The following BBX variants were observed in gnomAD, a reference collection of about 807,000 sequenced individuals.
The protein encoded by BBX is BBX high mobility group box domain containing.
A neutral mutation model predicts 100.2 loss-of-function variants in BBX; 30 were observed. The ratio of observed to expected loss-of-function variants is 0.30; its 90% CI spans 0.22 to 0.41. The LOEUF (loss-of-function observed/expected upper bound fraction) is 0.41, where lower values mean the gene tolerates loss of function less well. BBX is among the 10% of genes least tolerant of loss of function. The pLI is 1.00. For missense variants in BBX, 1,023 were observed against 1,129.8 expected (o/e 0.91, Z 1.35); for synonymous variants, 376 against 388.1 (o/e 0.97, Z 0.37).
intron 2 of BBX, among the ~76,000 whole-genome samples, chr3:107,603,228 T>C (rs2054187479): frequency 6.6e-6 from 1 of 152,018 alleles, no homozygotes; most frequent in Non-Finnish European, 1.5e-5. Flanking sequence ...CCTCCCAAAG[T>C]GCTGGGATTA....
chr3:107,711,348 A>G lies in BBX; in HGVS notation c.162+726A>G, dbSNP rs575614911. On this transcript the variant is annotated intron_variant, in intron 4 of 17. Coordinates refer to ENST00000325805, the MANE Select transcript of BBX (RefSeq NM_001142568.3). ...CTTTCCTCTTGCCTCAGAAATGAGA[A>G]TGGTGCCTGGCACATAGTAGGTATT... The G allele has an allele frequency of 6.4e-5, 30 of 471,102 alleles. 1 individual carries two copies. Among genetic ancestry groups the G allele is most frequent in the South Asian group, 4.6e-4 (30 of 64,560 alleles). 29.2% of individuals were successfully genotyped at this position (471,102 alleles called of 1,614,324 possible).
intron 2 of BBX, among the ~76,000 whole-genome samples, chr3:107,575,768 T>C (rs1430817371): frequency 1.3e-5 from 2 of 152,176 alleles, no homozygotes; most frequent in Non-Finnish European, 2.9e-5. Flanking sequence ...CAGTAGTATC[T>C]CAAAAGTTTT....
chr3:107,796,396 C>T (rs1311498342), intron 15 of BBX, among the ~76,000 whole-genome samples: 1 of 152,098 alleles, frequency 6.6e-6, no homozygotes, highest in East Asian at 1.9e-4. Flanking sequence ...CTGTACTTTC[C>T]TGGGAAGGGG....
intron 10 of BBX, among the ~76,000 whole-genome samples, chr3:107,763,498 T>A (rs2066088977): frequency 6.6e-6 from 1 of 152,212 alleles, no homozygotes; most frequent in South Asian, 2.1e-4. Context: ...AGATAAAAGC[T>A]TGTTGCAGCC....
chr3:107,617,035 T>G (rs2055344076), intron 2 of BBX, among the ~76,000 whole-genome samples: 1 of 152,206 alleles, frequency 6.6e-6, no homozygotes, highest in East Asian at 1.9e-4. Flanking sequence ...ATTTTACATT[T>G]AAGTCCATGA....
intron 3 of BBX, among the ~76,000 whole-genome samples, chr3:107,701,036 T>C (rs374409286): frequency 5.3e-5 from 8 of 151,312 alleles, no homozygotes; most frequent in Non-Finnish European, 1.0e-4. Context: ...ACAATGGTTG[T>C]ACTAGTTTAC....
intron 15 of BBX, among the ~76,000 whole-genome samples, chr3:107,793,524 GT>G: frequency 6.6e-6 from 1 of 152,224 alleles, no homozygotes; most frequent in Middle Eastern, 3.4e-3. Context: ...ACTTGTTTGT[GT>G]AGTGACTATG....
intron 14 of BBX, among the ~76,000 whole-genome samples, chr3:107,790,495 C>T (rs2068900452): frequency 6.6e-6 from 1 of 152,166 alleles, no homozygotes; most frequent in African/African-American, 2.4e-5. Context: ...ACGTCTGTCT[C>T]ATTGGTATGA....
At chr3:107,649,805 C>T (rs1405419837) in intron 3 of BBX, among the ~76,000 whole-genome samples, 4 of 152,122 alleles carry the variant, frequency 2.6e-5, no homozygotes, top group Non-Finnish European at 4.4e-5. Context: ...TAGAAATATT[C>T]GTTACCGCAT....
At chr3:107,687,355 T>C (rs1248560493) in intron 3 of BBX, among the ~76,000 whole-genome samples, 1 of 150,698 alleles carries the variant, frequency 6.6e-6, no homozygotes, top group East Asian at 1.9e-4. Context: ...TTTTAACGAG[T>C]ATAAAGGCTC....
At chr3:107,560,921 C>A (rs566952173) in intron 2 of BBX, among the ~76,000 whole-genome samples, 25 of 152,320 alleles carry the variant, frequency 1.6e-4, no homozygotes, top group Admixed American at 3.3e-4. Flanking sequence ...GAGACTGGAT[C>A]TTCCTATTGC....
chr3:107,657,199 T>C (rs2107837325), intron 3 of BBX: 1 of 152,288 alleles, frequency 6.6e-6, no homozygotes, highest in South Asian at 2.1e-4. Flanking sequence ...TCTTCTGTAG[T>C]GTGTTGACAG....
At chr3:107,789,165 C>T (rs1019566234) in intron 13 of BBX, among the ~76,000 whole-genome samples, 13 of 151,700 alleles carry the variant, frequency 8.6e-5, no homozygotes, top group African/African-American at 3.1e-4. Flanking sequence ...GCTGGTATTT[C>T]TGATTGTTCA....
chr3:107,802,012 C>T (rs149531105), intron 17 of BBX, among the ~76,000 whole-genome samples: 15 of 152,320 alleles, frequency 9.8e-5, no homozygotes, highest in Non-Finnish European at 1.6e-4. Flanking sequence ...CCTTTGAACT[C>T]AGCGAAGCCC....
intron 3 of BBX, among the ~76,000 whole-genome samples, chr3:107,651,944 G>A (rs891399525): frequency 2.0e-5 from 3 of 152,110 alleles, no homozygotes; most frequent in Non-Finnish European, 2.9e-5. Context: ...CAGAAAAGAG[G>A]GCTGAGGAAG....
chr3:107,785,834 T>G (rs1340301075), intron 13 of BBX, among the ~76,000 whole-genome samples: 1 of 151,926 alleles, frequency 6.6e-6, no homozygotes, highest in Non-Finnish European at 1.5e-5. Flanking sequence ...CCAGGGCAAT[T>G]AGGTAAGAAA....
intron 15 of BBX, among the ~76,000 whole-genome samples, chr3:107,795,908 T>C (rs2069602946): frequency 6.6e-6 from 1 of 152,134 alleles, no homozygotes; most frequent in African/African-American, 2.4e-5. Context: ...TAAGTAGAAA[T>C]GAAACCATTT....
intron 2 of BBX, among the ~76,000 whole-genome samples, chr3:107,591,715 TG>T (rs1275206047): frequency 3.3e-5 from 5 of 152,186 alleles, no homozygotes; most frequent in Admixed American, 2.0e-4. Flanking sequence ...CTTGAACTCC[TG>T]GGCTTAAGCA....
At chr3:107,616,142 C>G (rs1016812752) in intron 2 of BBX, among the ~76,000 whole-genome samples, 7 of 149,312 alleles carry the variant, frequency 4.7e-5, no homozygotes, top group Non-Finnish European at 1.0e-4. Flanking sequence ...GTTGAGCATC[C>G]CAGATCTGAA....
Sources: gnomAD v4.1 joint callset for allele counts (sites outside exome capture counted in the v4.1 genomes callset) on GRCh38, gnomAD v4.1.1 for gene constraint, MANE v1.5 for transcripts, NCBI Gene and HGNC (gene_info 2026-07-23, HGNC 2026-07-21) for gene names.